Variants in SLC35F3 observed in about 807,000 individuals in gnomAD.
SLC35F3 encodes solute carrier family 35 member F3.
A neutral mutation model predicts 49.9 loss-of-function variants in SLC35F3; 25 were observed. The observed-to-expected ratio is 0.50, with a 90% confidence interval of 0.37 to 0.70. The LOEUF (loss-of-function observed/expected upper bound fraction) is 0.70. SLC35F3 is among the 30% of genes least tolerant of loss of function. The pLI, the probability that SLC35F3 is intolerant of heterozygous loss-of-function variation, is 0.00. For synonymous variants in SLC35F3, 275 were observed against 265.4 expected, an observed-to-expected ratio of 1.04 and a Z score of -0.35; for missense variants, 525 against 639.8, an observed-to-expected ratio of 0.82 and a Z score of 1.94.
At chr1:233,928,804 A>C (rs1233848103) in intron 2 of SLC35F3, among the ~76,000 whole-genome samples, 2 of 152,168 alleles carry the variant, frequency 1.3e-5, no homozygotes, top group Non-Finnish European at 1.5e-5. Context: ...AAAATAATGC[A>C]GGGTGGTAAG....
chr1:234,127,524 T>C (rs1447331215), intron 2 of SLC35F3, among the ~76,000 whole-genome samples: 1 of 152,166 alleles, frequency 6.6e-6, no homozygotes, highest in Non-Finnish European at 1.5e-5. Flanking sequence ...GCCAGCTAAA[T>C]AATGCTGTCA....
intron 2 of SLC35F3, among the ~76,000 whole-genome samples, chr1:234,162,828 C>T (rs1666248722): frequency 1.3e-5 from 2 of 152,180 alleles, no homozygotes; most frequent in African/African-American, 4.8e-5. Flanking sequence ...GTCTGTTTGC[C>T]TGGGGTTCCC....
chr1:234,310,263 G>C (rs960167956), intron 4 of SLC35F3, among the ~76,000 whole-genome samples: 3 of 152,144 alleles, frequency 2.0e-5, no homozygotes, highest in Non-Finnish European at 4.4e-5. Flanking sequence ...GAGCCGGTTT[G>C]AGGGGCAGTC....
chr1:233,950,385 C>CAAAAA (rs58271294), intron 2 of SLC35F3, among the ~76,000 whole-genome samples: 471 of 31,368 alleles, frequency 0.015, 79 homozygotes, highest in African/African-American at 0.048. Context: ...GACTCTGTCT[C>CAAAAA]AAAAAAAAAA....
intron 3 of SLC35F3, among the ~76,000 whole-genome samples, chr1:234,297,168 T>C (rs978619860): frequency 1.3e-5 from 2 of 152,134 alleles, no homozygotes; most frequent in Non-Finnish European, 2.9e-5. Context: ...TTAGTGATAA[T>C]ATGGAGAAAA....
rs561746278 is a variant in SLC35F3 at position 234,041,259 on chromosome 1, G to A, written c.283+135501G>A. 5.6e-4 allele frequency among the ~76,000 whole-genome samples: 85 copies of A among 152,298 alleles called. 1 individual carries two copies. Among genetic ancestry groups the A allele is most frequent in the African/African-American group, 2.0e-3 (83 of 41,564 alleles). On this transcript the variant is annotated intron_variant, in intron 2 of 7. Transcript: ENST00000366618. ...TTCTCACTCCTGTCACTGTGTGACA[G>A]TGGTCTGCTGGATCTTTCTCCTCCA...
At chr1:233,982,622 C>T (rs1386953962) in intron 2 of SLC35F3, among the ~76,000 whole-genome samples, 1 of 152,160 alleles carries the variant, frequency 6.6e-6, no homozygotes, top group Non-Finnish European at 1.5e-5. Context: ...GATCCGCCCA[C>T]CTTGGCCTCC....
intron 2 of SLC35F3, among the ~76,000 whole-genome samples, chr1:233,964,185 C>G (rs1439228266): frequency 5.3e-5 from 8 of 152,202 alleles, no homozygotes; most frequent in African/African-American, 1.9e-4. Context: ...ACTTGCACCA[C>G]TCTGAATTCT....
intron 2 of SLC35F3, among the ~76,000 whole-genome samples, chr1:234,050,631 C>A (rs1194293804): frequency 6.6e-6 from 1 of 152,164 alleles, no homozygotes; most frequent in Admixed American, 6.5e-5. Context: ...TGCAGAAGCT[C>A]TTTAGTTTAA....
chr1:234,071,519 C>G (rs2102868030), intron 2 of SLC35F3, among the ~76,000 whole-genome samples: 1 of 152,232 alleles, frequency 6.6e-6, no homozygotes, highest in African/African-American at 2.4e-5. Context: ...AAATCTTTGC[C>G]ATTTCTCTCA....
At chr1:234,267,500 G>C (rs1668006643) in intron 3 of SLC35F3, among the ~76,000 whole-genome samples, 2 of 147,772 alleles carry the variant, frequency 1.4e-5, no homozygotes, top group Non-Finnish European at 1.5e-5. Flanking sequence ...GGCTGGCCGG[G>C]CGGGGGGCTG....
chr1:234,216,096 CT>C (rs1185620514), intron 2 of SLC35F3, among the ~76,000 whole-genome samples: 5 of 152,220 alleles, frequency 3.3e-5, no homozygotes, highest in African/African-American at 1.2e-4. Flanking sequence ...CAAGTGCTAC[CT>C]CTTCCAGGGG....
intron 3 of SLC35F3, among the ~76,000 whole-genome samples, chr1:234,232,179 C>T (rs1452560271): frequency 6.6e-6 from 1 of 152,202 alleles, no homozygotes; most frequent in Non-Finnish European, 1.5e-5. Context: ...CTTACTCATC[C>T]TCTTTCTAAT....
At chr1:233,939,675 G>T (rs1231959579) in intron 2 of SLC35F3, among the ~76,000 whole-genome samples, 1 of 152,192 alleles carries the variant, frequency 6.6e-6, no homozygotes, top group Non-Finnish European at 1.5e-5. Context: ...AGAGATGTCA[G>T]AGTGCCTTAA....
chr1:234,042,799 G>A (rs531117275), intron 2 of SLC35F3, among the ~76,000 whole-genome samples: 9 of 152,176 alleles, frequency 5.9e-5, no homozygotes, highest in South Asian at 2.1e-4. Context: ...TGAAGATCCC[G>A]TTTTTATGAA....
At chr1:234,312,718 G>T (rs1416069248) in intron 4 of SLC35F3, among the ~76,000 whole-genome samples, 1 of 152,194 alleles carries the variant, frequency 6.6e-6, no homozygotes, top group Non-Finnish European at 1.5e-5. Context: ...GTTGGGGGAA[G>T]AATGATTAAA....
At chr1:233,911,597 G>T (rs887103999) in intron 2 of SLC35F3, among the ~76,000 whole-genome samples, 5 of 152,192 alleles carry the variant, frequency 3.3e-5, no homozygotes. Flanking sequence ...TTAGATCATT[G>T]CCATGGGGTT....
chr1:234,219,055 CAA>C (rs60342594), intron 2 of SLC35F3, among the ~76,000 whole-genome samples: 14 of 55,278 alleles, frequency 2.5e-4, no homozygotes, highest in African/African-American at 2.9e-4. Flanking sequence ...GACTCCATCT[CAA>C]AAAAAAAAAA....
chr1:234,095,902 T>G (rs931898477), intron 2 of SLC35F3, among the ~76,000 whole-genome samples: 6 of 152,242 alleles, frequency 3.9e-5, no homozygotes, highest in African/African-American at 1.4e-4. Context: ...TCTCATGAAG[T>G]ATTAGCTATT....
Sources: allele counts gnomAD v4.1 joint callset (sites outside exome capture counted in the v4.1 genomes callset), GRCh38; gene constraint gnomAD v4.1.1; transcripts MANE v1.5; gene names NCBI Gene and HGNC (gene_info 2026-07-23, HGNC 2026-07-21).